Variants in GRIN2B observed in about 807,000 individuals in gnomAD.
The protein encoded by GRIN2B is glutamate receptor ionotropic, NMDA 2B.
In GRIN2B, 5 loss-of-function variants were observed where a neutral mutation model predicts 114.5. The observed-to-expected ratio is 0.04, with a 90% CI of 0.02 to 0.09. GRIN2B has a LOEUF of 0.09. Among genes scored for constraint, GRIN2B ranks in the 10% least tolerant of loss-of-function variants. The pLI is 1.00. For missense variants in GRIN2B, 1,108 were observed against 1,943.5 expected (o/e 0.57, Z 8.08); for synonymous variants, 787 against 745.1 (o/e 1.06, Z -0.92).
At chr12:13,739,648 G>T (rs939557496) in intron 4 of GRIN2B, among the ~76,000 whole-genome samples, 1 of 150,950 alleles carries the variant, frequency 6.6e-6, no homozygotes, top group Non-Finnish European at 1.5e-5. Context: ...TGATGAGAAA[G>T]ATTCTGAAAA....
At chr12:13,746,988 A>G (rs1001173221) in intron 4 of GRIN2B, among the ~76,000 whole-genome samples, 8 of 152,314 alleles carry the variant, frequency 5.3e-5, no homozygotes, top group South Asian at 2.1e-4. Flanking sequence ...ACTTCTTTAT[A>G]AATTACCCGG....
chr12:13,696,741 C>T (rs1408725889), intron 4 of GRIN2B, among the ~76,000 whole-genome samples: 1 of 152,134 alleles, frequency 6.6e-6, no homozygotes, highest in Non-Finnish European at 1.5e-5. Context: ...TGTATGTTGC[C>T]ATCCTCTTTC....
intron 4 of GRIN2B, among the ~76,000 whole-genome samples, chr12:13,741,591 T>A (rs1317683606): frequency 6.6e-6 from 1 of 152,130 alleles, no homozygotes; most frequent in African/African-American, 2.4e-5. Context: ...GGTCTTGCTC[T>A]TTCACCCAGG....
intron 5 of GRIN2B, among the ~76,000 whole-genome samples, chr12:13,671,817 G>A (rs1379184034): frequency 1.3e-5 from 2 of 152,148 alleles, no homozygotes; most frequent in African/African-American, 4.8e-5. Flanking sequence ...GCACTCTTCT[G>A]AAGGGTCAGA....
rs149563730 is a variant in GRIN2B, at chr12:13,646,047, A to G, written c.1126-29390T>C. 1.8e-3 allele frequency among the ~76,000 whole-genome samples: 281 copies of G among 152,174 alleles called. 2 individuals are homozygous for G. The highest frequency in any genetic ancestry group is 6.5e-3 in the African/African-American group (269 of 41,520). On this transcript the variant is annotated intron_variant, in intron 5 of 13. Coordinates refer to ENST00000609686, the MANE Select transcript of GRIN2B (RefSeq NM_000834.5). The stretch of plus-strand genomic sequence containing the variant: ...GGACACTGAAAGTTTTTCTTTCTTA[A>G]CTCCCCAGACAGTGTTCACTGGTAA...
intron 4 of GRIN2B, among the ~76,000 whole-genome samples, chr12:13,725,233 A>G (rs1209875511): frequency 1.3e-5 from 2 of 152,094 alleles, no homozygotes; most frequent in Non-Finnish European, 2.9e-5. Context: ...CAAAGAGCAG[A>G]TCAGGAATTA....
intron 2 of GRIN2B, among the ~76,000 whole-genome samples, chr12:13,896,028 C>A (rs1233409122): frequency 6.6e-6 from 1 of 152,164 alleles, no homozygotes; most frequent in Non-Finnish European, 1.5e-5. Context: ...TTAATCTATA[C>A]TATTTCAACA....
chr12:13,787,435 T>A (rs1431945853), intron 3 of GRIN2B, among the ~76,000 whole-genome samples: 1 of 152,218 alleles, frequency 6.6e-6, no homozygotes, highest in Admixed American at 6.5e-5. Flanking sequence ...GCCAGAAACA[T>A]CTGCATTATT....
intron 3 of GRIN2B, among the ~76,000 whole-genome samples, chr12:13,848,518 G>A (rs73055692): frequency 0.11 from 17,014 of 152,068 alleles, 1,260 homozygotes; most frequent in Middle Eastern, 0.16. Flanking sequence ...AAAGAACATG[G>A]AAAAGGAAGG....
At chr12:13,679,045 AAG>A (rs932584616) in intron 4 of GRIN2B, among the ~76,000 whole-genome samples, 3 of 151,926 alleles carry the variant, frequency 2.0e-5, no homozygotes, top group Non-Finnish European at 4.4e-5. Flanking sequence ...GAAGGAAAGA[AAG>A]AGAGGAAAAG....
chr12:13,680,413 AT>A lies in GRIN2B; in HGVS notation c.1011-4555del, dbSNP rs1950116922. Among the ~76,000 whole-genome samples the A allele has an allele frequency of 3.3e-5, 5 of 149,696 alleles. No homozygotes were observed. In the South Asian group the frequency reaches 1.1e-3, roughly 32 times the overall value. ...CAGAAGTTCTGCCCATGAGACTCAA[AT>A]CCCCTGGAAGTCCCATCAAGGTTGT... On this transcript the variant is annotated intron_variant, in intron 4 of 13. Transcript: ENST00000609686.
intron 4 of GRIN2B, among the ~76,000 whole-genome samples, chr12:13,710,893 C>G (rs11055600): frequency 0.56 from 85,330 of 151,356 alleles, 24,408 homozygotes; most frequent in African/African-American, 0.65. Flanking sequence ...AGTTCATATG[C>G]AACCAAAAAA....
chr12:13,844,521 A>G (rs986741500), intron 3 of GRIN2B, among the ~76,000 whole-genome samples: 1 of 152,188 alleles, frequency 6.6e-6, no homozygotes, highest in African/African-American at 2.4e-5. Context: ...TCTGCATTCC[A>G]TTTGACTCCC....
chr12:13,649,977 A>T (rs1305483055), intron 5 of GRIN2B, among the ~76,000 whole-genome samples: 1 of 152,104 alleles, frequency 6.6e-6, no homozygotes, highest in East Asian at 1.9e-4. Context: ...TCACTTCAAC[A>T]GAAGCTTCGG....
intron 6 of GRIN2B, 99 bp downstream of exon 6, chr12:13,616,356 C>T: frequency 1.2e-6 from 1 of 832,174 alleles, no homozygotes; most frequent in South Asian, 1.4e-5. Context: ...GACACAGTGC[C>T]CAATTCTCAT....
At chr12:13,964,092 G>A (rs2136865060) in intron 2 of GRIN2B, among the ~76,000 whole-genome samples, 1 of 152,308 alleles carries the variant, frequency 6.6e-6, no homozygotes, top group Non-Finnish European at 1.5e-5. Context: ...GGTGGACTGG[G>A]AGGTGGCTAA....
At chr12:13,819,191 T>G (rs996521947) in intron 3 of GRIN2B, among the ~76,000 whole-genome samples, 1 of 151,262 alleles carries the variant, frequency 6.6e-6, no homozygotes, top group African/African-American at 2.5e-5. Flanking sequence ...AAAGACCGTG[T>G]GAGTGAGAGA....
At chr12:13,599,559 C>T (rs1306843561) in intron 10 of GRIN2B, among the ~76,000 whole-genome samples, 2 of 152,170 alleles carry the variant, frequency 1.3e-5, no homozygotes, top group Non-Finnish European at 2.9e-5. Context: ...TTAATAAATT[C>T]TCAACCCACA....
chr12:13,797,605 T>C (rs184887678), intron 3 of GRIN2B, among the ~76,000 whole-genome samples: 129 of 152,316 alleles, frequency 8.5e-4, no homozygotes, highest in Non-Finnish European at 1.6e-3. Context: ...GGAAACTACA[T>C]ACTGTTTTGA....
Sources: gnomAD v4.1 joint callset for allele counts (sites outside exome capture counted in the v4.1 genomes callset) on GRCh38, gnomAD v4.1.1 for gene constraint, MANE v1.5 for transcripts, NCBI Gene and HGNC (gene_info 2026-07-23, HGNC 2026-07-21) for gene names.